CACNA1C: variants seen among roughly 807,000 people sequenced by gnomAD.
CACNA1C encodes the protein voltage-dependent L-type calcium channel subunit alpha-1C.
A neutral mutation model predicts 229.0 loss-of-function variants in CACNA1C; 30 were observed. That is an observed-to-expected ratio of 0.13 (90% CI 0.10 to 0.18). CACNA1C has a LOEUF of 0.18. Among genes scored for constraint, CACNA1C ranks in the 10% least tolerant of loss-of-function variants. The pLI, the probability that CACNA1C is intolerant of heterozygous loss-of-function variation, is 1.00. For synonymous variants in CACNA1C, 1,114 were observed against 1,132.5 expected (o/e 0.98, Z 0.33); for missense variants, 1,658 against 2,845.0 (o/e 0.58, Z 9.49).
At chr12:2,638,989 G>A (rs867342761) in intron 30 of CACNA1C, among the ~76,000 whole-genome samples, 7 of 152,218 alleles carry the variant, frequency 4.6e-5, no homozygotes, top group African/African-American at 1.4e-4. Context: ...GCAGAGGAGC[G>A]GAGAGGCCTG....
At chr12:2,483,703 G>A (rs1004615173) in intron 5 of CACNA1C, among the ~76,000 whole-genome samples, 1 of 152,148 alleles carries the variant, frequency 6.6e-6, no homozygotes, top group Non-Finnish European at 1.5e-5. Context: ...GTGCTCAGGT[G>A]AGTGGCGTGA....
In CACNA1C at chr12:2,053,660, G is replaced by A. The variant is rs1244763811; in HGVS notation, c.49+49G>A. The A allele has an allele frequency of 5.2e-6, 8 of 1,535,350 alleles. No homozygotes were observed. The highest frequency in any genetic ancestry group is 2.8e-5 in the African/African-American group (2 of 70,818). On this transcript the variant is annotated intron_variant, in intron 1 of 46. Coordinates refer to ENST00000399655, the MANE Select transcript of CACNA1C (RefSeq NM_000719.7). This position sits in a 1 kb window ranked among gnomAD's most constrained non-coding sequence, Gnocchi z 5.8. ...GCCGGGGCTCCCTGCCTTTTCCACCGGGTTCCTGCCCTACCCGCGCTCCCC... is the reference window on the plus strand; with the variant it reads ...GCCGGGGCTCCCTGCCTTTTCCACCAGGTTCCTGCCCTACCCGCGCTCCCC...
At chr12:2,059,025 G>A (rs1204635077) in intron 1 of CACNA1C, among the ~76,000 whole-genome samples, 1 of 152,184 alleles carries the variant, frequency 6.6e-6, no homozygotes, top group Admixed American at 6.5e-5. Flanking sequence ...TATCATGGCA[G>A]GAAGGGAAGT....
chr12:2,083,821 T>G (rs1037802798), intron 1 of CACNA1C, among the ~76,000 whole-genome samples: 1 of 152,214 alleles, frequency 6.6e-6, no homozygotes, highest in Non-Finnish European at 1.5e-5. Context: ...TGGAAGCCAG[T>G]GCTTTATATA....
At chr12:2,274,088 C>T (rs761594093) in intron 3 of CACNA1C, among the ~76,000 whole-genome samples, 1 of 152,188 alleles carries the variant, frequency 6.6e-6, no homozygotes, top group Non-Finnish European at 1.5e-5. Flanking sequence ...TAAGGTCCCA[C>T]TTGGGTGCTT....
intron 4 of CACNA1C, among the ~76,000 whole-genome samples, chr12:2,456,306 C>T (rs1038028546): frequency 5.3e-5 from 8 of 152,244 alleles, no homozygotes; most frequent in Admixed American, 1.3e-4. Flanking sequence ...CAGTGTCTCG[C>T]GCCTGGATGA....
intron 3 of CACNA1C, among the ~76,000 whole-genome samples, chr12:2,239,037 C>T (rs1600242821): frequency 6.6e-6 from 1 of 152,302 alleles, no homozygotes; most frequent in East Asian, 1.9e-4. Context: ...ACATATGAAC[C>T]ATTTAGCTAG....
At chr12:2,147,125 G>A (rs2094791042) in intron 3 of CACNA1C, among the ~76,000 whole-genome samples, 1 of 151,334 alleles carries the variant, frequency 6.6e-6, no homozygotes. Context: ...GGGCTTAAGG[G>A]ATTTCTAGGG....
intron 1 of CACNA1C, among the ~76,000 whole-genome samples, chr12:1,989,415 G>A (rs750069186): frequency 9.2e-5 from 14 of 151,956 alleles, no homozygotes; most frequent in Non-Finnish European, 1.3e-4. Flanking sequence ...AAAGGGAAAG[G>A]GAAAGGGAAA....
At chr12:2,409,918 G>A (rs2098787165) in intron 3 of CACNA1C, among the ~76,000 whole-genome samples, 1 of 152,236 alleles carries the variant, frequency 6.6e-6, no homozygotes, top group South Asian at 2.1e-4. Context: ...AGGGCTAGGA[G>A]GAAAATGGGG....
chr12:2,596,161 A>G lies in CACNA1C; in HGVS notation c.2793+158A>G. 4 of 647,628 alleles carry G rather than the reference A, an allele frequency of 6.2e-6. No individual in the cohort carries two copies. The Admixed American group carries it at 1.4e-4, about 23-fold the overall frequency. 40.1% of individuals were successfully genotyped at this position (647,628 alleles called of 1,614,324 possible). On this transcript the variant is annotated intron_variant, in intron 20 of 46. Coordinates refer to ENST00000399655, the MANE Select transcript of CACNA1C (RefSeq NM_000719.7). Reference sequence around the variant, plus strand: ...CATTAAGAGAGTAGGGCTTTGATAGAAAACCACCCTAGGACCACAAGCAAA... The same window carrying G: ...CATTAAGAGAGTAGGGCTTTGATAGGAAACCACCCTAGGACCACAAGCAAA...
Position 2,053,723 on chromosome 12 carries a change from C to CCA in CACNA1C, c.49+113_49+114insAC. On this transcript the variant is annotated intron_variant, in intron 1 of 46. Coordinates refer to ENST00000399655, the MANE Select transcript of CACNA1C (RefSeq NM_000719.7). The surrounding 1 kb of genome is among the most constrained non-coding windows in gnomAD (Gnocchi z 5.8). ...CCGGTCCCTGCGGAGTGGCCCGGGGCCGCGTCCGCGAGGGGCGCCTCCGCC... is the reference window on the plus strand; with the variant it reads ...CCGGTCCCTGCGGAGTGGCCCGGGGCCACGCGTCCGCGAGGGGCGCCTCCGCC... The CCA allele has an allele frequency of 9.4e-7, 1 of 1,061,522 alleles. No individual in the cohort carries two copies. Among genetic ancestry groups the CCA allele is most frequent in the Non-Finnish European group, 1.2e-6 (1 of 841,232 alleles). 65.8% of individuals were successfully genotyped at this position (1,061,522 alleles called of 1,614,324 possible). A position where few individuals can be genotyped will look rare whatever the true frequency, so the allele number is the denominator to read the frequency against.
At position 2,693,863 on chromosome 12, in the gene CACNA1C, A is replaced by T. The variant is rs2097815041; in HGVS notation, c.*2664A>T. The T allele has an allele frequency of 6.6e-6, 1 of 152,238 alleles. No individual in the cohort carries two copies. The highest frequency in any genetic ancestry group is 1.5e-5 in the Non-Finnish European group (1 of 68,064). 9.4% of individuals were successfully genotyped at this position (152,238 alleles called of 1,614,324 possible). A position where few individuals can be genotyped will look rare whatever the true frequency, so the allele number is the denominator to read the frequency against. On this transcript the variant is annotated 3_prime_UTR_variant, in exon 47 of 47. Coordinates refer to ENST00000399655, the MANE Select transcript of CACNA1C (RefSeq NM_000719.7). ...GTGTTCCCTGAGCCCCTCTTGGCAC[A>T]TATATAAGTAAGCTAGAAATTACAA...
intron 1 of CACNA1C, among the ~76,000 whole-genome samples, chr12:2,110,380 C>T (rs1380059188): frequency 6.6e-6 from 1 of 152,210 alleles, no homozygotes; most frequent in African/African-American, 2.4e-5. Context: ...GTGGCCTGAT[C>T]TGCGAGGCAG....
intron 3 of CACNA1C, among the ~76,000 whole-genome samples, chr12:2,397,549 AC>A (rs2098605846): frequency 6.6e-6 from 1 of 152,244 alleles, no homozygotes; most frequent in African/African-American, 2.4e-5. Flanking sequence ...GTGGCCCTGG[AC>A]CAGTCCAGAG....
At position 2,694,691 on chromosome 12, in the gene CACNA1C, G is replaced by A. The variant is rs1309280010; in HGVS notation, c.*3492G>A. On this transcript the variant is annotated 3_prime_UTR_variant, in exon 47 of 47. Coordinates refer to ENST00000399655, the MANE Select transcript of CACNA1C (RefSeq NM_000719.7). ...CTCCCAGCTTTTCTCCACCCAGCAT[G>A]TCTCCTGCCCATGCAGCTGAAGACA... is the stretch of plus-strand genomic sequence containing the variant. 3 of 152,234 alleles carry A rather than the reference G, an allele frequency of 2.0e-5. No individual in the cohort carries two copies. Among genetic ancestry groups the A allele is most frequent in the African/African-American group, 7.2e-5 (3 of 41,446 alleles). 9.4% of individuals were successfully genotyped at this position (152,234 alleles called of 1,614,324 possible).
intron 6 of CACNA1C, among the ~76,000 whole-genome samples, chr12:2,490,897 G>A (rs367783684): frequency 4.6e-5 from 7 of 152,212 alleles, no homozygotes; most frequent in East Asian, 1.9e-4. Context: ...CTTGATCAAC[G>A]AACACAGGAC....
At chr12:2,341,982 G>T (rs532683454) in intron 3 of CACNA1C, among the ~76,000 whole-genome samples, 1 of 152,274 alleles carries the variant, frequency 6.6e-6, no homozygotes, top group Non-Finnish European at 1.5e-5. Context: ...TGCTGCTTGG[G>T]TATGCTTCGA....
chr12:2,363,543 G>T (rs1440935964), intron 3 of CACNA1C, among the ~76,000 whole-genome samples: 2 of 152,184 alleles, frequency 1.3e-5, no homozygotes, highest in African/African-American at 4.8e-5. Context: ...TCCCCAGTTT[G>T]CTGGGGTTCC....
Sources: allele counts gnomAD v4.1 joint callset (sites outside exome capture counted in the v4.1 genomes callset), GRCh38; gene constraint gnomAD v4.1.1; non-coding constraint Gnocchi (gnomAD v3.1); transcripts MANE v1.5; gene names NCBI Gene and HGNC (gene_info 2026-07-23, HGNC 2026-07-21).